The following BARX2 variants were observed in gnomAD, a reference collection of about 807,000 sequenced individuals.
The protein encoded by BARX2 is homeobox protein BarH-like 2.
A neutral mutation model predicts 25.5 loss-of-function variants in BARX2; 11 were observed. That is an observed-to-expected ratio of 0.43 (90% CI 0.27 to 0.71). The LOEUF (loss-of-function observed/expected upper bound fraction) is 0.71, where lower values mean the gene tolerates loss of function less well. Among genes scored for constraint, BARX2 ranks in the 30% least tolerant of loss-of-function variants. The probability of loss-of-function intolerance (pLI) is 0.19; values close to 1 mark genes in which losing one functional copy is unlikely to be tolerated. For synonymous variants in BARX2, 137 were observed against 149.5 expected, an observed-to-expected ratio of 0.92 and a Z score of 0.61; for missense variants, 360 against 359.9, an observed-to-expected ratio of 1.00 and a Z score of 0.00.
At chr11:129,426,072 C>T (rs908363470) in intron 1 of BARX2, among the ~76,000 whole-genome samples, 14 of 147,552 alleles carry the variant, frequency 9.5e-5, no homozygotes, top group Admixed American at 1.4e-4. Context: ...GAGTTGGCCT[C>T]TTAAAACATT....
intron 3 of BARX2, among the ~76,000 whole-genome samples, chr11:129,448,186 A>G (rs1862353689): frequency 6.6e-6 from 1 of 152,238 alleles, no homozygotes; most frequent in African/African-American, 2.4e-5. Context: ...AGTGAAAACT[A>G]TAAAACTTAG....
intron 3 of BARX2, among the ~76,000 whole-genome samples, chr11:129,443,492 T>C (rs1862288497): frequency 6.6e-6 from 1 of 152,150 alleles, no homozygotes. Flanking sequence ...GTCCCCTGGG[T>C]AGCAGGTTAA....
In BARX2 at chr11:129,436,754, C is replaced by T. The variant is rs1244479251; in HGVS notation, c.191C>T (p.Ser64Phe). The change falls in exon 2 of 4, where the codon TCC becomes TTC. Residue 64 changes from serine to phenylalanine, a missense_variant. Physicochemically the swap from Ser to Phe is radical, Grantham distance 155 (BLOSUM62 -2). Transcript: ENST00000281437. This position sits in a 1 kb window ranked among gnomAD's most constrained non-coding sequence, Gnocchi z 4.5. ...TGCCTCCCTGCTTGTTTTCCAGGCT[C>T]CCCTTCCCTGCGGGCATATCCGCTC... ...RPKPLHSCTG[S>F]PSLRAYPLLS... The T allele has an allele frequency of 6.4e-7, 1 of 1,568,706 alleles. No individual in the cohort carries two copies. Among genetic ancestry groups the T allele is most frequent in the Non-Finnish European group, 8.7e-7 (1 of 1,152,148 alleles).
intron 3 of BARX2, 21 bp from the exon 4 acceptor site, chr11:129,451,115 A>C: frequency 6.2e-7 from 1 of 1,603,248 alleles, no homozygotes; most frequent in African/African-American, 1.3e-5. Context: ...TAGATTCAAT[A>C]ACAATTTTTT....
At chr11:129,433,962 G>A (rs968262879) in intron 1 of BARX2, among the ~76,000 whole-genome samples, 1 of 152,174 alleles carries the variant, frequency 6.6e-6, no homozygotes, top group African/African-American at 2.4e-5. Context: ...CATAGTAGAT[G>A]CTCAGTAAAT....
chr11:129,448,111 C>T (rs1044687611), intron 3 of BARX2, among the ~76,000 whole-genome samples: 1 of 152,176 alleles, frequency 6.6e-6, no homozygotes, highest in Admixed American at 6.5e-5. Context: ...TTACTGAGAA[C>T]TTCTTGGTTT....
chr11:129,395,048 C>T (rs1861703918), intron 1 of BARX2, among the ~76,000 whole-genome samples: 2 of 151,820 alleles, frequency 1.3e-5, no homozygotes, highest in Non-Finnish European at 2.9e-5. Context: ...TCTAAACTAG[C>T]TATATGAATC....
chr11:129,404,514 C>G (rs1861809684), intron 1 of BARX2, among the ~76,000 whole-genome samples: 1 of 152,262 alleles, frequency 6.6e-6, no homozygotes, highest in African/African-American at 2.4e-5. Context: ...CCTAAGTCCA[C>G]TTTCAAATTG....
chr11:129,405,599 T>C (rs1462788441), intron 1 of BARX2, among the ~76,000 whole-genome samples: 1 of 152,198 alleles, frequency 6.6e-6, no homozygotes, highest in Non-Finnish European at 1.5e-5. Context: ...TTTAAGATGA[T>C]AGATAAAATG....
intron 1 of BARX2, among the ~76,000 whole-genome samples, chr11:129,411,993 C>T (rs1314380550): frequency 1.3e-5 from 2 of 152,122 alleles, no homozygotes; most frequent in Admixed American, 1.3e-4. Flanking sequence ...TAGTTTATGG[C>T]CGGGCACGGT....
rs10791011 is a variant in BARX2 at position 129,451,171 on chromosome 11, C to T, written c.609C>T (p.Pro203=). The change falls in exon 4 of 4, where the codon CCC becomes CCT. Residue 203 remains proline (P), a synonymous_variant. Transcript: ENST00000281437. The part of the protein sequence containing the change: ...LKGGQEAPTK[P]KGRPKKNSIP... Reference sequence around the variant, plus strand: ...GTGGACAGGAAGCACCCACAAAACCCAAAGGTCGCCCCAAGAAGAACTCCA... The same window carrying T: ...GTGGACAGGAAGCACCCACAAAACCTAAAGGTCGCCCCAAGAAGAACTCCA... 354,833 of 1,613,080 alleles carry T rather than the reference C, an allele frequency of 0.22. 42,992 individuals are homozygous for T. Among genetic ancestry groups the T allele is most frequent in the East Asian group, 0.44 (19,748 of 44,796 alleles).
chr11:129,422,663 T>C (rs1862017628), intron 1 of BARX2, among the ~76,000 whole-genome samples: 1 of 83,798 alleles, frequency 1.2e-5, no homozygotes, highest in Admixed American at 1.4e-4. Context: ...GTGTGTACAG[T>C]AGGGATTCCA....
intron 1 of BARX2, among the ~76,000 whole-genome samples, chr11:129,435,761 C>A (rs1416918237): frequency 6.6e-6 from 1 of 152,206 alleles, no homozygotes; most frequent in East Asian, 1.9e-4. Context: ...ATGATCCAGA[C>A]ATTTTAAGCT....
At chr11:129,402,503 T>C (rs1355470304) in intron 1 of BARX2, among the ~76,000 whole-genome samples, 8 of 152,174 alleles carry the variant, frequency 5.3e-5, no homozygotes, top group African/African-American at 1.9e-4. Flanking sequence ...GGCCGTTTAA[T>C]ATTCAAATGT....
At chr11:129,408,864 C>A (rs532708241) in intron 1 of BARX2, among the ~76,000 whole-genome samples, 54 of 152,264 alleles carry the variant, frequency 3.5e-4, no homozygotes, top group Non-Finnish European at 6.2e-4. Flanking sequence ...TTTTGTCTAC[C>A]ACAGGTGCTC....
At chr11:129,418,716 A>G (rs890810032) in intron 1 of BARX2, among the ~76,000 whole-genome samples, 3 of 152,154 alleles carry the variant, frequency 2.0e-5, no homozygotes, top group Non-Finnish European at 4.4e-5. Flanking sequence ...GTACCCTGTC[A>G]TGAGAATTAC....
At chr11:129,402,324 C>CAA (rs144261896) in intron 1 of BARX2, among the ~76,000 whole-genome samples, 6 of 145,354 alleles carry the variant, frequency 4.1e-5, no homozygotes, top group Admixed American at 2.0e-4. Flanking sequence ...TTCCCCATTC[C>CAA]AAAAAAAAAA....
intron 1 of BARX2, among the ~76,000 whole-genome samples, chr11:129,379,607 G>A (rs1053001904): frequency 5.9e-5 from 9 of 152,198 alleles, no homozygotes; most frequent in African/African-American, 1.4e-4. Flanking sequence ...TGGAAGCATC[G>A]GCGTGGTCAT....
At position 129,451,504 on chromosome 11, in the gene BARX2, G is replaced by C. The variant is rs904313853; in HGVS notation, c.*102G>C. On this transcript the variant is annotated 3_prime_UTR_variant, in exon 4 of 4. Coordinates refer to ENST00000281437, the MANE Select transcript of BARX2 (RefSeq NM_003658.5). The stretch of plus-strand genomic sequence containing the variant: ...ACCTTCCAGCAGCCCAGTAAACTGC[G>C]GGCGAAGAGATCTACCCGTCTCCCT... The C allele has an allele frequency of 8.9e-5, 120 of 1,354,754 alleles. No individual in the cohort carries two copies. Among genetic ancestry groups the C allele is most frequent in the Non-Finnish European group, 1.1e-4 (112 of 998,496 alleles). 83.9% of individuals were successfully genotyped at this position (1,354,754 alleles called of 1,614,324 possible). A position where few individuals can be genotyped will look rare whatever the true frequency, so the allele number is the denominator to read the frequency against.
Sources: gnomAD v4.1 joint callset for allele counts (sites outside exome capture counted in the v4.1 genomes callset) on GRCh38, gnomAD v4.1.1 for gene constraint, Gnocchi (gnomAD v3.1) non-coding constraint, MANE v1.5 for transcripts, NCBI Gene and HGNC (gene_info 2026-07-23, HGNC 2026-07-21) for gene names.